Variants in MED23 observed in about 807,000 individuals in gnomAD.
MED23 encodes mediator of RNA polymerase II transcription subunit 23.
Under a neutral mutation model 163.9 loss-of-function variants are expected in MED23, and 105 were observed. The observed-to-expected ratio is 0.64, with a 90% CI of 0.55 to 0.75. MED23 has a LOEUF of 0.75. Among genes scored for constraint, MED23 ranks in the 30% least tolerant of loss-of-function variants. MED23 has a pLI of 0.00. For missense variants in MED23, 1,054 were observed against 1,649.0 expected (o/e 0.64, Z 6.25); for synonymous variants, 561 against 565.6 (o/e 0.99, Z 0.12).
Position 131,591,444 on chromosome 6 carries a change from G to A in MED23, c.3555C>T (p.Gly1185=). The change falls in exon 26 of 29, where the codon GGC becomes GGT. Residue 1185 remains glycine, a synonymous_variant. Coordinates refer to ENST00000368068, the MANE Select transcript of MED23 (RefSeq NM_004830.4). The part of the protein sequence containing the change: ...PSLTSETEWV[G]YPFRLFDFTA... ...TGAAATCAAAGAGGCGGAATGGATA[G>A]CCAACCCACTCTGTTTCAGACGTCA... The A allele has an allele frequency of 6.2e-7, 1 of 1,613,942 alleles. No homozygotes were observed. The highest frequency in any genetic ancestry group is 8.5e-7 in the Non-Finnish European group (1 of 1,179,848).
intron 15 of MED23, 55 bp downstream of exon 15, chr6:131,604,123 C>G: frequency 6.3e-7 from 1 of 1,594,650 alleles, no homozygotes; most frequent in Non-Finnish European, 8.6e-7. Context: ...AGAAAAGTAA[C>G]TTTAGAGTTA....
intron 10 of MED23, among the ~76,000 whole-genome samples, chr6:131,614,183 CA>C (rs1776483800): frequency 6.6e-6 from 1 of 152,128 alleles, no homozygotes; most frequent in Non-Finnish European, 1.5e-5. Flanking sequence ...TTCAGTTTCA[CA>C]TGTACAAAAG....
At chr6:131,603,981 C>G (rs1283925539) in intron 15 of MED23, among the ~76,000 whole-genome samples, 197 bp downstream of exon 15, 1 of 152,138 alleles carries the variant, frequency 6.6e-6, no homozygotes, top group African/African-American at 2.4e-5. Context: ...CCTCACACTT[C>G]CTATTCCTTT....
downstream of MED23, chr6:131,582,826 C>CAT: frequency 1.1e-6 from 1 of 878,172 alleles, no homozygotes; most frequent in Non-Finnish European, 1.9e-6. Flanking sequence ...CACACACACA[C>CAT]ACACATGCCC....
At chr6:131,611,665 T>A (rs184665313) in intron 10 of MED23, among the ~76,000 whole-genome samples, 171 of 152,200 alleles carry the variant, frequency 1.1e-3, no homozygotes, top group Non-Finnish European at 2.1e-3. Context: ...AACACAAATT[T>A]AGAGTGAGAT....
chr6:131,612,071 G>T (rs748704106), intron 10 of MED23, among the ~76,000 whole-genome samples: 5 of 151,966 alleles, frequency 3.3e-5, no homozygotes, highest in African/African-American at 1.2e-4. Flanking sequence ...TTCAATATAT[G>T]CCATGACTCA....
intron 13 of MED23, among the ~76,000 whole-genome samples, chr6:131,606,241 A>G (rs964222443): frequency 6.6e-6 from 1 of 151,972 alleles, no homozygotes; most frequent in East Asian, 1.9e-4. Flanking sequence ...ACTGAAGATC[A>G]GCCTTAAAAA....
intron 13 of MED23, 115 bp downstream of exon 13, chr6:131,606,360 TTACC>T: frequency 1.0e-6 from 1 of 984,954 alleles, no homozygotes; most frequent in Non-Finnish European, 1.6e-6. Context: ...GTATTTGCCC[TTACC>T]TATAGTGGGT....
intron 8 of MED23, among the ~76,000 whole-genome samples, chr6:131,619,418 G>A (rs1776922148): frequency 6.6e-6 from 1 of 152,120 alleles, no homozygotes; most frequent in Non-Finnish European, 1.5e-5. Flanking sequence ...CAAAACATGG[G>A]AAAATGCGAA....
rs760262127 is a variant in MED23, at chr6:131,598,610, CAAAG to C, written c.2368_2371del (p.Leu790ValfsTer21). 4 of 1,614,052 alleles carry C rather than the reference CAAAG, an allele frequency of 2.5e-6. No homozygotes were observed. Among genetic ancestry groups the C allele is most frequent in the South Asian group, 1.1e-5 (1 of 91,062 alleles). Reference sequence around the variant, plus strand: ...TTCCAAGAGCATTTTCCAGAGAAGACAAAGAAAGAGAGGAGGGGAGCCCTGCATA... The same window carrying C: ...TTCCAAGAGCATTTTCCAGAGAAGACAAAGAGAGGAGGGGAGCCCTGCATA... On this transcript the variant is annotated frameshift_variant, in exon 19 of 29. Coordinates refer to ENST00000368068, the MANE Select transcript of MED23 (RefSeq NM_004830.4). LOFTEE classifies it high-confidence loss of function. This position sits in a 1 kb window ranked among gnomAD's most constrained non-coding sequence, Gnocchi z 4.7.
intron 30 of MED23, chr6:131,576,799 C>T: frequency 7.2e-7 from 1 of 1,394,888 alleles, no homozygotes; most frequent in South Asian, 1.2e-5. Context: ...AAGAGCAGGC[C>T]CCTGTGAACC....
At position 131,580,689 on chromosome 6, in the gene MED23, G is replaced by A. The variant is rs550343822; in HGVS notation, c.4096-6394C>T. Among the ~76,000 whole-genome samples the A allele has an allele frequency of 1.9e-4, 29 of 152,252 alleles. 1 individual carries two copies. The East Asian group carries it at 3.5e-3, about 18-fold the overall frequency. ...CATTGAATAGAATGAGTGAACACACGCCATACGCTGGCTGAAGAACTTGAG... is the reference window on the plus strand; with the variant it reads ...CATTGAATAGAATGAGTGAACACACACCATACGCTGGCTGAAGAACTTGAG... On this transcript the variant is annotated intron_variant, in intron 30 of 30. Coordinates refer to the MED23 transcript ENST00000354577.
intron 9 of MED23, among the ~76,000 whole-genome samples, chr6:131,616,582 G>T (rs1776705990): frequency 6.6e-6 from 1 of 152,136 alleles, no homozygotes; most frequent in Admixed American, 6.6e-5. Context: ...ACTTTGGGAG[G>T]CCAAGATGGG....
At chr6:131,618,611 T>C in intron 8 of MED23, 92 bp from the exon 9 acceptor site, 4 of 850,436 alleles carry the variant, frequency 4.7e-6, no homozygotes, top group South Asian at 1.5e-5. Context: ...TATGCTGAAA[T>C]AGGCATTGGT....
At chr6:131,582,558 C>T, downstream of MED23, 1 of 1,286,616 alleles carries the variant, frequency 7.8e-7, no homozygotes, top group Non-Finnish European at 1.1e-6. Context: ...GTGTCTTTAC[C>T]TTTGAATGTA....
chr6:131,592,328 C>T, intron 25 of MED23, 60 bp downstream of exon 25: 1 of 1,463,776 alleles, frequency 6.8e-7, no homozygotes, highest in Admixed American at 1.7e-5. Context: ...TTTCTTTTTG[C>T]TGACATGGAA....
Position 131,603,170 on chromosome 6 carries a change from T to C in MED23, c.1791A>G (p.Ala597=), listed in dbSNP as rs1320475177. 6.8e-6 allele frequency: 11 copies of C among 1,613,888 alleles called. No homozygotes were observed. Among genetic ancestry groups the C allele is most frequent in the East Asian group, 2.2e-5 (1 of 44,848 alleles). Residue 597 remains alanine, a synonymous_variant, in exon 16 of 29, where the codon GCA becomes GCG. Transcript: ENST00000368068. ...QLLPTVFKSH[A]WGILHTLLEM... is the part of the protein sequence containing the mutation. ...CAAGGAGTGTGTGTAAGATCCCCCATGCATGTGATTTGAAAACAGTTGGCA... is the reference window on the plus strand; with the variant it reads ...CAAGGAGTGTGTGTAAGATCCCCCACGCATGTGATTTGAAAACAGTTGGCA...
chr6:131,592,625 T>C, intron 24 of MED23, 165 bp from the exon 25 acceptor site: 2 of 667,996 alleles, frequency 3.0e-6, no homozygotes, highest in South Asian at 1.8e-5. Flanking sequence ...GTAATATGCA[T>C]AAAAACTCAA....
rs1185983957 is a variant in MED23, at chr6:131,628,156, G to A, written c.-107C>T. On this transcript the variant is annotated 5_prime_UTR_variant, in exon 1 of 29. Coordinates refer to ENST00000368068, the MANE Select transcript of MED23 (RefSeq NM_004830.4). ...GCGGAGACCTCTGGAGGAAACCGTA[G>A]CTCCTCGGCGTCGCTTCCTCCCCCA... The A allele has an allele frequency of 5.3e-6, 7 of 1,321,036 alleles. No homozygotes were observed. The highest frequency in any genetic ancestry group is 3.4e-5 in the Admixed American group (2 of 59,080). 81.8% of individuals were successfully genotyped at this position (1,321,036 alleles called of 1,614,324 possible).
Sources: allele counts gnomAD v4.1 joint callset (sites outside exome capture counted in the v4.1 genomes callset), GRCh38; gene constraint gnomAD v4.1.1; non-coding constraint Gnocchi (gnomAD v3.1); transcripts MANE v1.5; gene names NCBI Gene and HGNC (gene_info 2026-07-23, HGNC 2026-07-21).